Variants in DMD observed in about 807,000 individuals in gnomAD.
DMD encodes dystrophin.
DMD carries 63 observed loss-of-function variants against 330.1 expected under a neutral mutation model. The observed-to-expected ratio is 0.19, with a 90% CI of 0.16 to 0.24. The LOEUF is 0.24. Among genes scored for constraint, DMD ranks in the 10% least tolerant of loss-of-function variants. The probability of loss-of-function intolerance (pLI) is 1.00; values close to 1 mark genes in which losing one functional copy is unlikely to be tolerated. For synonymous variants in DMD, 1,223 were observed against 959.8 expected (o/e 1.27, Z -5.07); for missense variants, 3,344 against 2,684.1 (o/e 1.25, Z -5.43).
rs754608876 is a variant in DMD at position 33,282,624 on chromosome X, A to G, written c.7+56635T>C. Among the ~76,000 whole-genome samples the G allele has an allele frequency of 1.2e-4, 13 of 111,918 alleles. No homozygotes were observed. The East Asian group carries it at 3.1e-3, about 27-fold the overall frequency. ...CAAAATTCCTCTAAACAATACTGCC[A>G]CTTGTCTATTTTTCAGCAGAGCATG... is the stretch of plus-strand genomic sequence containing the variant. On this transcript the variant is annotated intron_variant, in intron 1 of 17. Coordinates refer to the DMD transcript ENST00000288447.
chrX:33,000,955 C>G (rs866768786), intron 2 of DMD, among the ~76,000 whole-genome samples: 1 of 111,039 alleles, frequency 9.0e-6, no homozygotes, highest in Non-Finnish European at 1.9e-5. Flanking sequence ...ATTAATTATT[C>G]TATATTTTTT....
At chrX:33,082,875 C>T (rs1342119030) in intron 1 of DMD, among the ~76,000 whole-genome samples, 1 of 112,254 alleles carries the variant, frequency 8.9e-6, no homozygotes, top group East Asian at 2.8e-4. Flanking sequence ...GGTGTCCTAA[C>T]CCACGTTCTA....
intron 9 of DMD, among the ~76,000 whole-genome samples, chrX:32,692,260 T>G (rs373872114): frequency 5.1e-4 from 57 of 112,290 alleles, no homozygotes; most frequent in African/African-American, 1.6e-3. Context: ...CCTTCCAGTT[T>G]TAAAATTCTA....
chrX:31,875,063 G>T, intron 48 of DMD, 125 bp downstream of exon 48: 2 of 628,285 alleles, frequency 3.2e-6, no homozygotes, highest in Non-Finnish European at 4.9e-6. Flanking sequence ...CCTGAATAAA[G>T]TCTTCCTTAC....
chrX:31,444,609 C>T lies in DMD; in HGVS notation c.8956G>A (p.Ala2986Thr). Residue 2986 changes from alanine to threonine, a missense_variant, in exon 60 of 79, where the codon GCG (alanine) becomes ACG (threonine). By Grantham distance (58) the Ala-to-Thr change is moderately conservative (BLOSUM62 0). Coordinates refer to ENST00000357033, the MANE Select transcript of DMD (RefSeq NM_004006.3). ...EKVKALRGEIAPLKENVSHVN... is the reference protein window; with the variant it reads ...EKVKALRGEITPLKENVSHVN... ...TGGCTCACGTTCTCTTTCAGAGGCG[C>T]AATTTCTCCTCGAAGTGCCTGTGTG... 8.3e-7 allele frequency: 1 copy of T among 1,211,319 alleles called. No individual in the cohort carries two copies. Among genetic ancestry groups the T allele is most frequent in the Non-Finnish European group, 1.1e-6 (1 of 895,419 alleles).
chrX:32,061,757 T>C (rs1440219047), intron 44 of DMD, among the ~76,000 whole-genome samples: 1 of 111,313 alleles, frequency 9.0e-6, no homozygotes, highest in Non-Finnish European at 1.9e-5. Context: ...TTTGGTCAAA[T>C]GAATCTGAAA....
intron 1 of DMD, among the ~76,000 whole-genome samples, chrX:33,304,944 T>C (rs1404634956): frequency 9.4e-6 from 1 of 106,448 alleles, no homozygotes; most frequent in Non-Finnish European, 1.9e-5. Flanking sequence ...TGTGGAGAAA[T>C]AGGAACACTT....
intron 50 of DMD, among the ~76,000 whole-genome samples, chrX:31,811,420 C>G (rs2092452975): frequency 8.9e-6 from 1 of 111,961 alleles, no homozygotes; most frequent in Non-Finnish European, 1.9e-5. Flanking sequence ...TGTTGTCACT[C>G]CCCTTTCTAC....
chrX:33,264,889 T>G (rs146737366), intron 1 of DMD, among the ~76,000 whole-genome samples: 1 of 110,323 alleles, frequency 9.1e-6, no homozygotes, highest in Non-Finnish European at 1.9e-5. Context: ...GAAATTATGA[T>G]GACATTGAAA....
chrX:32,648,046 T>A (rs774998833), intron 9 of DMD, among the ~76,000 whole-genome samples: 1 of 112,026 alleles, frequency 8.9e-6, no homozygotes, highest in East Asian at 2.8e-4. Context: ...AGTAACACAA[T>A]ACTTTACACT....
At chrX:32,753,641 T>C (rs1435458818) in intron 7 of DMD, among the ~76,000 whole-genome samples, 1 of 112,207 alleles carries the variant, frequency 8.9e-6, no homozygotes, top group East Asian at 2.8e-4. Flanking sequence ...CTAAAGACTC[T>C]TGATGCTTTG....
intron 44 of DMD, among the ~76,000 whole-genome samples, chrX:32,190,550 T>TTATATA (rs753482446): frequency 0.028 from 1,765 of 62,453 alleles, 51 homozygotes; most frequent in African/African-American, 0.054. Flanking sequence ...ATTTAAAATT[T>TTATATA]TATATATATA....
intron 60 of DMD, among the ~76,000 whole-genome samples, chrX:31,372,589 G>T (rs1172259200): frequency 8.9e-6 from 1 of 111,776 alleles, no homozygotes; most frequent in Non-Finnish European, 1.9e-5. Flanking sequence ...CTTAAAAAAT[G>T]TATTTACAAA....
intron 55 of DMD, among the ~76,000 whole-genome samples, chrX:31,574,333 T>C (rs1275138310): frequency 4.6e-5 from 5 of 108,786 alleles, no homozygotes; most frequent in Non-Finnish European, 9.6e-5. Context: ...TCAGTAGAGA[T>C]GGGGTTTCAC....
intron 44 of DMD, among the ~76,000 whole-genome samples, chrX:32,072,426 T>TG (rs1222957736): frequency 2.0e-5 from 2 of 101,526 alleles, no homozygotes; most frequent in African/African-American, 3.7e-5. Context: ...ATCTTCTATT[T>TG]GGGAAAAAAA....
At chrX:32,224,308 C>G (rs1195642116) in intron 43 of DMD, among the ~76,000 whole-genome samples, 1 of 111,151 alleles carries the variant, frequency 9.0e-6, no homozygotes, top group African/African-American at 3.3e-5. Context: ...ATATTCTCCT[C>G]TATTTTACTG....
intron 1 of DMD, among the ~76,000 whole-genome samples, chrX:33,236,902 TA>T (rs2052493659): frequency 9.0e-6 from 1 of 111,289 alleles, no homozygotes; most frequent in Non-Finnish European, 1.9e-5. Flanking sequence ...CCTTATCTAT[TA>T]ATTATGTATA....
intron 55 of DMD, among the ~76,000 whole-genome samples, chrX:31,615,981 T>G (rs1569554941): frequency 8.9e-6 from 1 of 112,008 alleles, no homozygotes; most frequent in South Asian, 3.7e-4. Flanking sequence ...TTCAGTACAT[T>G]AATTCGCATC....
chrX:31,725,354 TCTC>T (rs2148993333), intron 52 of DMD, among the ~76,000 whole-genome samples: 1 of 111,658 alleles, frequency 9.0e-6, no homozygotes, highest in East Asian at 2.8e-4. Context: ...CAAGCAACCT[TCTC>T]CTGTCGGTCT....
Sources: gnomAD v4.1 joint callset for allele counts (sites outside exome capture counted in the v4.1 genomes callset) on GRCh38, gnomAD v4.1.1 for gene constraint, MANE v1.5 for transcripts, NCBI Gene and HGNC (gene_info 2026-07-23, HGNC 2026-07-21) for gene names.